Variants in CROCC2 observed in about 807,000 individuals in gnomAD.
CROCC2 encodes ciliary rootlet coiled-coil, rootletin family member 2.
In CROCC2, 163 loss-of-function variants were observed where a neutral mutation model predicts 177.6. That is an observed-to-expected ratio of 0.92 (90% CI 0.81 to 1.05). The LOEUF is 1.05. Ranked by LOEUF, CROCC2 falls within the 50% of genes least tolerant of loss-of-function variation. CROCC2 has a pLI of 0.00. For synonymous variants in CROCC2, 904 were observed against 787.3 expected (o/e 1.15, Z -2.48); for missense variants, 1,929 against 1,797.8 (o/e 1.07, Z -1.32).
rs2059734810 is a variant in CROCC2 at position 240,973,284 on chromosome 2, A to C, written c.4401+5022A>C. 6.6e-6 allele frequency among the ~76,000 whole-genome samples: 1 copy of C among 152,184 alleles called. No homozygotes were observed. Among genetic ancestry groups the C allele is most frequent in the African/African-American group, 2.4e-5 (1 of 41,444 alleles). On this transcript the variant is annotated intron_variant, in intron 27 of 31. Transcript: ENST00000690015. The surrounding 1 kb of genome is among the most constrained non-coding windows in gnomAD (Gnocchi z 4.7). Reference sequence around the variant, plus strand: ...CAAGGCTACCCTGGGAATTCAATAGAACAGCCGTGCAGGACCAGCCCGTGG... The same window carrying C: ...CAAGGCTACCCTGGGAATTCAATAGCACAGCCGTGCAGGACCAGCCCGTGG...
At chr2:240,927,875 T>C (rs989600822) in intron 5 of CROCC2, among the ~76,000 whole-genome samples, 1 of 152,256 alleles carries the variant, frequency 6.6e-6, no homozygotes, top group African/African-American at 2.4e-5. Flanking sequence ...GGTCTCGAAC[T>C]CCTGACCTCA....
At chr2:240,969,056 A>T (rs1293355470) in intron 27 of CROCC2, among the ~76,000 whole-genome samples, 1 of 152,228 alleles carries the variant, frequency 6.6e-6, no homozygotes, top group Non-Finnish European at 1.5e-5. Flanking sequence ...GAGGCTCCCC[A>T]GGGCAACTGC....
At chr2:240,988,383 C>G (rs940461416) in intron 28 of CROCC2, among the ~76,000 whole-genome samples, 8 of 152,222 alleles carry the variant, frequency 5.3e-5, no homozygotes, top group Non-Finnish European at 1.5e-5. Flanking sequence ...GGGATCATGG[C>G]TCATGAGACC....
At chr2:240,944,982 G>A (rs1300270450) in intron 14 of CROCC2, among the ~76,000 whole-genome samples, 1 of 152,164 alleles carries the variant, frequency 6.6e-6, no homozygotes, top group Non-Finnish European at 1.5e-5. Context: ...TGTCACCCAG[G>A]CTGGAGTGCA....
rs1192754077 is a variant in CROCC2, at chr2:240,934,987, C to T, written c.1863C>T (p.Asp621=). Residue 621 remains aspartate (D), a synonymous_variant, in exon 13 of 32, where the codon GAC becomes GAT. Coordinates refer to ENST00000690015, the MANE Select transcript of CROCC2 (RefSeq NM_001351305.2). ...AGTCGGAGGGAGTGGAGCAAAGGGACTCCCTGGCCGCAATGGCCGCCTTGA... is the reference window on the plus strand; with the variant it reads ...AGTCGGAGGGAGTGGAGCAAAGGGATTCCCTGGCCGCAATGGCCGCCTTGA... ...RLKSEGVEQR[D]SLAAMAALME... 1.5e-5 allele frequency: 22 copies of T among 1,465,794 alleles called. No individual in the cohort carries two copies. The highest frequency in any genetic ancestry group is 2.6e-5 in the Admixed American group (1 of 39,122). 90.8% of individuals were successfully genotyped at this position (1,465,794 alleles called of 1,614,324 possible). A position where few individuals can be genotyped will look rare whatever the true frequency, so the allele number is the denominator to read the frequency against.
intron 4 of CROCC2, 61 bp from the exon 5 acceptor site, chr2:240,925,663 T>G: frequency 1.6e-6 from 1 of 644,610 alleles, no homozygotes; most frequent in Non-Finnish European, 2.8e-6. Context: ...TTGGGGACTC[T>G]GAGCGCCTCT....
At position 240,968,197 on chromosome 2, in the gene CROCC2, C is replaced by A; in HGVS notation, c.4336C>A (p.Arg1446Ser). Residue 1446 changes from arginine (R) to serine (S), a missense_variant, in exon 27 of 32, where the codon CGC becomes AGC. By Grantham distance (110) the Arg-to-Ser change is moderately radical (BLOSUM62 -1). Coordinates refer to ENST00000690015, the MANE Select transcript of CROCC2 (RefSeq NM_001351305.2). The stretch of plus-strand genomic sequence containing the variant: ...ACGTGCCCTGCAGAAGGAGGCGCTC[C>A]GCAGGCTGGAGTTGGAGCACCTGGC... ...AARALQKEAL[R>S]RLELEHLASV... is the part of the protein sequence containing the mutation. 3.9e-6 allele frequency: 6 copies of A among 1,533,076 alleles called. No homozygotes were observed. Among genetic ancestry groups the A allele is most frequent in the Non-Finnish European group, 5.2e-6 (6 of 1,145,248 alleles). The allele number at this position is 1,533,076 out of a possible 1,614,324, so 95.0% of individuals were successfully genotyped here. A position where few individuals can be genotyped will look rare whatever the true frequency, so the allele number is the denominator to read the frequency against.
At chr2:240,963,053 T>TGCCGGGGTCACTGG (rs1401346675) in intron 20 of CROCC2, among the ~76,000 whole-genome samples, 6 of 152,184 alleles carry the variant, frequency 3.9e-5, no homozygotes, top group Non-Finnish European at 8.8e-5. Flanking sequence ...AGAGTCACTG[T>TGCCGGGGTCACTGG]GCCGGGGTCA....
At position 240,973,012 on chromosome 2, in the gene CROCC2, T is replaced by C. The variant is rs1395614254; in HGVS notation, c.4401+4750T>C. 6.6e-6 allele frequency among the ~76,000 whole-genome samples: 1 copy of C among 151,522 alleles called. No individual in the cohort carries two copies. The highest frequency in any genetic ancestry group is 1.5e-5 in the Non-Finnish European group (1 of 67,876). ...CCATGCCCCTTGCTGAGCAGGGGGG[T>C]GCTAGGGTCCAGTAGGGCAGGCCTG... On this transcript the variant is annotated intron_variant, in intron 27 of 31. Coordinates refer to ENST00000690015, the MANE Select transcript of CROCC2 (RefSeq NM_001351305.2). This position sits in a 1 kb window ranked among gnomAD's most constrained non-coding sequence, Gnocchi z 4.7.
intron 19 of CROCC2, chr2:240,959,027 G>A (rs1299398450): frequency 5.1e-6 from 2 of 394,948 alleles, no homozygotes; most frequent in Non-Finnish European, 9.2e-6. Flanking sequence ...CTGCCCCAGG[G>A]CGCAGGCTGA....
chr2:240,962,206 A>G (rs2059646957), intron 20 of CROCC2, among the ~76,000 whole-genome samples: 1 of 151,986 alleles, frequency 6.6e-6, no homozygotes, highest in Admixed American at 6.6e-5. Flanking sequence ...TTTCTAGCAA[A>G]GAAATAATTA....
Position 240,966,011 on chromosome 2 carries a change from AGGCAGGCG to A in CROCC2, c.3961+22_3961+29del. ...CACCAAAGGTCAGAGTCCTCAGTGG[AGGCAGGCG>A]GGCCCCTCTCCCAGCTCAGTCCCTG... On this transcript the variant is annotated intron_variant, in intron 24 of 31. Coordinates refer to ENST00000690015, the MANE Select transcript of CROCC2 (RefSeq NM_001351305.2). 7.5e-7 allele frequency: 1 copy of A among 1,333,576 alleles called. No individual in the cohort carries two copies. The highest frequency in any genetic ancestry group is 9.5e-7 in the Non-Finnish European group (1 of 1,048,368). 82.6% of individuals were successfully genotyped at this position (1,333,576 alleles called of 1,614,324 possible).
At chr2:240,963,802 G>T in intron 21 of CROCC2, 29 bp downstream of exon 21, 1 of 1,541,110 alleles carries the variant, frequency 6.5e-7, no homozygotes, top group Middle Eastern at 1.9e-4. Context: ...AGCAGCTGGG[G>T]GTGCCCTGCA....
Position 240,933,731 on chromosome 2 carries a change from G to C in CROCC2, c.1525G>C (p.Ala509Pro), listed in dbSNP as rs2059448890. Residue 509 changes from alanine (A) to proline (P), a missense_variant, in exon 11 of 32, where the codon GCG becomes CCG. By Grantham distance (27) the Ala-to-Pro change is conservative (BLOSUM62 -1). Transcript: ENST00000690015. The part of the protein sequence containing the change: ...ELKGKADAAD[A>P]EKQGLEAEAA... Reference sequence around the variant, plus strand: ...GAAAGGGAAGGCAGATGCTGCAGATGCGGAGAAGCAGGGGCTGGAGGCCGA... The same window carrying C: ...GAAAGGGAAGGCAGATGCTGCAGATCCGGAGAAGCAGGGGCTGGAGGCCGA... The C allele has an allele frequency of 1.3e-6, 2 of 1,550,182 alleles. No individual in the cohort carries two copies. Among genetic ancestry groups the C allele is most frequent in the Non-Finnish European group, 1.7e-6 (2 of 1,146,864 alleles).
chr2:240,985,604 ACACACCCAGACACTCACTC>A (rs1205935335), intron 28 of CROCC2, among the ~76,000 whole-genome samples: 361 of 118,082 alleles, frequency 3.1e-3, no homozygotes, highest in Non-Finnish European at 3.2e-3. Flanking sequence ...CTCACTCCAC[ACACACCCAGACACTCACTC>A]CACACACACC....
rs1375631904 is a variant in CROCC2, at chr2:240,993,186, C to G, written c.*105C>G. On this transcript the variant is annotated 3_prime_UTR_variant, in exon 32 of 32. Coordinates refer to ENST00000690015, the MANE Select transcript of CROCC2 (RefSeq NM_001351305.2). ...TCTCAGCGTCACAGTGAAAGGCACC[C>G]GTGATGAGACAGCTCGCTCTCGGCA... 1 of 671,772 alleles carries G rather than the reference C, an allele frequency of 1.5e-6. No homozygotes were observed. The highest frequency in any genetic ancestry group is 1.8e-5 in the African/African-American group (1 of 55,966). 41.6% of individuals were successfully genotyped at this position (671,772 alleles called of 1,614,324 possible). A position where few individuals can be genotyped will look rare whatever the true frequency, so the allele number is the denominator to read the frequency against.
rs750820740 is a variant in CROCC2, at chr2:240,925,847, C to T, written c.612C>T (p.Gly204=). The T allele has an allele frequency of 1.4e-5, 10 of 715,304 alleles. No individual in the cohort carries two copies. The highest frequency in any genetic ancestry group is 8.0e-5 in the East Asian group (3 of 37,282). 44.3% of individuals were successfully genotyped at this position (715,304 alleles called of 1,614,324 possible). ...CGGGCAGCGTGCAGCGCCTGCAGGG[C>T]GAGCTGGAGCTGAGGCGCTGGGCCC... ...GMTGSVQRLQ[G]ELELRRWAQR... The change falls in exon 5 of 32, where the codon GGC becomes GGT. Residue 204 remains glycine (G), a synonymous_variant. Transcript: ENST00000690015.
intron 19 of CROCC2, chr2:240,957,897 C>T (rs1452396019): frequency 3.5e-6 from 3 of 853,332 alleles, no homozygotes; most frequent in African/African-American, 1.8e-5. Context: ...GGCTCCACCC[C>T]GTGGGCAGGG....
At chr2:240,940,082 T>G (rs1433267013) in intron 14 of CROCC2, among the ~76,000 whole-genome samples, 1 of 152,146 alleles carries the variant, frequency 6.6e-6, no homozygotes, top group African/African-American at 2.4e-5. Flanking sequence ...TGGGGTTTTT[T>G]TGTGTGTTGA....
Sources: gnomAD v4.1 joint callset for allele counts (sites outside exome capture counted in the v4.1 genomes callset) on GRCh38, gnomAD v4.1.1 for gene constraint, Gnocchi (gnomAD v3.1) non-coding constraint, MANE v1.5 for transcripts, NCBI Gene and HGNC (gene_info 2026-07-23, HGNC 2026-07-21) for gene names.